PRELID2: variants seen among roughly 807,000 people sequenced by gnomAD.
The protein encoded by PRELID2 is PRELI domain-containing protein 2.
A neutral mutation model predicts 28.4 loss-of-function variants in PRELID2; 25 were observed. The ratio of observed to expected loss-of-function variants is 0.88; its 90% confidence interval spans 0.64 to 1.23. PRELID2 has a LOEUF of 1.23. PRELID2 is among the 50% of genes most tolerant of loss of function. The pLI, the probability that PRELID2 is intolerant of heterozygous loss-of-function variation, is 0.00. For synonymous variants in PRELID2, 76 were observed against 71.6 expected (o/e 1.06, Z -0.31); for missense variants, 201 against 214.4 (o/e 0.94, Z 0.39).
the PRELID2 span, among the ~76,000 whole-genome samples, chr5:145,289,500 T>C: frequency 2.0e-5 from 3 of 152,166 alleles, no homozygotes; most frequent in Admixed American, 2.0e-4. Context: ...ATCCATTTGT[T>C]TAAGGACATT....
chr5:145,701,088 T>C (rs1446154720), intron 1 of PRELID2, among the ~76,000 whole-genome samples: 1 of 152,204 alleles, frequency 6.6e-6, no homozygotes, highest in Non-Finnish European at 1.5e-5. Flanking sequence ...TTCAACTCCA[T>C]GGATGGCAAT....
the PRELID2 span, among the ~76,000 whole-genome samples, chr5:145,428,422 A>C: frequency 1.3e-5 from 2 of 152,106 alleles, no homozygotes; most frequent in Admixed American, 6.5e-5. Flanking sequence ...GGAGATATTC[A>C]AGTAGAAAAA....
At chr5:145,458,709 T>C in the PRELID2 span, among the ~76,000 whole-genome samples, 1 of 152,120 alleles carries the variant, frequency 6.6e-6, no homozygotes, top group African/African-American at 2.4e-5. Flanking sequence ...GTAGAGAAAA[T>C]ACTGGAAGAA....
At chr5:145,356,805 C>T in the PRELID2 span, among the ~76,000 whole-genome samples, 2 of 152,032 alleles carry the variant, frequency 1.3e-5, no homozygotes, top group Non-Finnish European at 2.9e-5. Flanking sequence ...TTGTTGTTAG[C>T]AGATTATTAT....
the PRELID2 span, among the ~76,000 whole-genome samples, chr5:145,280,132 T>C: frequency 3.4e-4 from 52 of 152,132 alleles, 5 homozygotes; most frequent in Non-Finnish European, 1.5e-5. Flanking sequence ...TGGTGACAGA[T>C]AGGGTTCAGG....
intron 1 of PRELID2, among the ~76,000 whole-genome samples, chr5:145,595,731 T>G (rs556001480): frequency 1.3e-5 from 2 of 152,258 alleles, no homozygotes; most frequent in South Asian, 4.1e-4. Context: ...TCCCTAAAAG[T>G]AGCATCATCA....
intron 1 of PRELID2, among the ~76,000 whole-genome samples, chr5:145,679,006 T>C (rs896664929): frequency 3.9e-5 from 6 of 152,174 alleles, no homozygotes; most frequent in Non-Finnish European, 8.8e-5. Context: ...AGAAATTGAA[T>C]TTCAGTTGTA....
chr5:145,418,632 C>T, the PRELID2 span, among the ~76,000 whole-genome samples: 12 of 152,236 alleles, frequency 7.9e-5, no homozygotes, highest in East Asian at 1.9e-4. Flanking sequence ...CAAAAACAAC[C>T]AATGGGGAAA....
At chr5:145,821,152 G>T (rs868499578) in intron 2 of PRELID2, among the ~76,000 whole-genome samples, 3 of 88,188 alleles carry the variant, frequency 3.4e-5, no homozygotes, top group African/African-American at 1.2e-4. Context: ...AACTCTCCTG[G>T]GTGTGTGTGT....
At chr5:145,712,848 A>G (rs983846203) in intron 1 of PRELID2, among the ~76,000 whole-genome samples, 14 of 152,160 alleles carry the variant, frequency 9.2e-5, no homozygotes, top group Admixed American at 9.2e-4. Flanking sequence ...TTATATATAT[A>G]AATTCAACAC....
chr5:145,731,897 G>T (rs564544515), intron 1 of PRELID2, among the ~76,000 whole-genome samples: 1 of 152,262 alleles, frequency 6.6e-6, no homozygotes, highest in Admixed American at 6.5e-5. Flanking sequence ...ATCTCCTAGA[G>T]TACACTTTTG....
At chr5:145,496,467 A>T (rs1404571245) in intron 1 of PRELID2, among the ~76,000 whole-genome samples, 2 of 152,220 alleles carry the variant, frequency 1.3e-5, no homozygotes, top group Non-Finnish European at 2.9e-5. Flanking sequence ...ATACTTGGAG[A>T]TCTGAAAGTA....
the PRELID2 span, among the ~76,000 whole-genome samples, chr5:145,460,831 T>A: frequency 6.6e-6 from 1 of 152,256 alleles, no homozygotes; most frequent in Non-Finnish European, 1.5e-5. Context: ...GGCAGCTCCA[T>A]GATATAATTT....
chr5:145,357,431 A>G, the PRELID2 span, among the ~76,000 whole-genome samples: 145 of 152,174 alleles, frequency 9.5e-4, 1 homozygote, highest in African/African-American at 3.2e-3. Context: ...AGTTTTATTC[A>G]TTCTTCTTTA....
the PRELID2 span, among the ~76,000 whole-genome samples, chr5:145,363,750 C>A: frequency 6.6e-6 from 1 of 151,966 alleles, no homozygotes; most frequent in African/African-American, 2.4e-5. Context: ...ATGTTGCCTT[C>A]CAAATAATAT....
Position 145,556,333 on chromosome 5 carries a change from G to A in PRELID2, n.71-83018C>T, listed in dbSNP as rs751619234. Among the ~76,000 whole-genome samples the A allele has an allele frequency of 6.6e-5, 10 of 151,902 alleles. No homozygotes were observed. The East Asian group carries it at 1.5e-3, about 24-fold the overall frequency. The stretch of plus-strand genomic sequence containing the variant: ...TGCAATTCCATTCTTCTTCCCTATC[G>A]CAGTAAAAGGGAATCACTTTCTGGC... On this transcript the variant is annotated intron_variant and non_coding_transcript_variant, in intron 1 of 2. Coordinates refer to the PRELID2 transcript ENST00000510259.
intron 1 of PRELID2, among the ~76,000 whole-genome samples, chr5:145,685,467 C>G (rs894702801): frequency 1.3e-5 from 2 of 152,168 alleles, no homozygotes; most frequent in Non-Finnish European, 2.9e-5. Context: ...TTTGCAGAAG[C>G]CTTCTCTGGC....
chr5:145,310,148 G>A, the PRELID2 span, among the ~76,000 whole-genome samples: 5 of 152,176 alleles, frequency 3.3e-5, no homozygotes, highest in Admixed American at 3.3e-4. Context: ...AGAAATAAAT[G>A]TAAAGCATTT....
chr5:145,541,616 C>G (rs564914643), intron 1 of PRELID2, among the ~76,000 whole-genome samples: 1 of 152,068 alleles, frequency 6.6e-6, no homozygotes, highest in Admixed American at 6.6e-5. Flanking sequence ...AAGTATATCC[C>G]ACATATGCAT....
Sources: allele counts gnomAD v4.1 joint callset (sites outside exome capture counted in the v4.1 genomes callset), GRCh38; gene constraint gnomAD v4.1.1; transcripts MANE v1.5; gene names NCBI Gene and HGNC (gene_info 2026-07-23, HGNC 2026-07-21).